SERINC1: variants seen among roughly 807,000 people sequenced by gnomAD.
SERINC1 encodes the protein tumor differentially expressed protein 2.
A neutral mutation model predicts 52.9 loss-of-function variants in SERINC1; 38 were observed. The ratio of observed to expected loss-of-function variants is 0.72; its 90% CI spans 0.55 to 0.94. SERINC1 has a LOEUF of 0.94. Among genes scored for constraint, SERINC1 ranks in the 40% least tolerant of loss-of-function variants. SERINC1 has a pLI of 0.00. For synonymous variants in SERINC1, 198 were observed against 183.1 expected, an observed-to-expected ratio of 1.08 and a Z score of -0.66; for missense variants, 471 against 533.9, an observed-to-expected ratio of 0.88 and a Z score of 1.16.
intron 5 of SERINC1, among the ~76,000 whole-genome samples, chr6:122,453,003 T>G (rs1774938271): frequency 6.6e-6 from 1 of 152,180 alleles, no homozygotes; most frequent in South Asian, 2.1e-4. Flanking sequence ...TATGACTTCT[T>G]TTGAAAAACA....
rs201396744 is a variant in SERINC1 at position 122,445,101 on chromosome 6, C to T, written c.1305G>A (p.Val435=). 1.2e-5 allele frequency: 19 copies of T among 1,614,098 alleles called. No individual in the cohort carries two copies. The highest frequency in any genetic ancestry group is 1.5e-5 in the Non-Finnish European group (18 of 1,179,954). Residue 435 remains valine (V), a synonymous_variant, in exon 10 of 10, where the codon GTG becomes GTA. Transcript: ENST00000339697. ...GTGCCACGAGTGTCCAAACATACAG[C>T]ACGATGCCAATCCAACTGGAAGAGA... The part of the protein sequence containing the change: ...VKISSSWIGI[V]LYVWTLVAPL...
At position 122,454,427 on chromosome 6, in the gene SERINC1, G is replaced by A. The variant is rs1774962352; in HGVS notation, c.372-197C>T. ...GTAATCATCATATTTAGATAACATAGTTTGGAGAGAGAGTGAAATTAACCA... is the reference window on the plus strand; with the variant it reads ...GTAATCATCATATTTAGATAACATAATTTGGAGAGAGAGTGAAATTAACCA... On this transcript the variant is annotated intron_variant, in intron 3 of 9. Transcript: ENST00000339697. The A allele has an allele frequency of 6.0e-6, 3 of 502,428 alleles. No homozygotes were observed. The African/African-American group carries it at 6.1e-5, about 10-fold the overall frequency. 31.1% of individuals were successfully genotyped at this position (502,428 alleles called of 1,614,324 possible).
At chr6:122,467,786 T>C (rs1275834944) in intron 1 of SERINC1, among the ~76,000 whole-genome samples, 1 of 152,258 alleles carries the variant, frequency 6.6e-6, no homozygotes, top group African/African-American at 2.4e-5. Context: ...AATGTTCATT[T>C]ACCAAAATTA....
intron 1 of SERINC1, among the ~76,000 whole-genome samples, chr6:122,461,658 T>TA (rs71541206): frequency 2.1e-3 from 279 of 134,718 alleles, no homozygotes; most frequent in Non-Finnish European, 2.9e-3. Flanking sequence ...TAAAGTATAA[T>TA]AAAAAAAAAA....
chr6:122,471,712 G>T lies in SERINC1; in HGVS notation c.26C>A (p.Ser9Tyr), dbSNP rs1775306994. Residue 9 changes from serine (S) to tyrosine (Y), a missense_variant, in exon 1 of 10, where the codon TCC (serine) becomes TAC (tyrosine). Ser to Tyr is a moderately radical substitution (Grantham distance 144). Transcript: ENST00000339697. Reference protein sequence around the residue: MGSVLGLCSMASWIPCLCG... With the variant: MGSVLGLCYMASWIPCLCG... ...AAAGCACCTTACCCAGCTCGCCATG[G>T]AGCACAGCCCCAGGACGCTCCCCAT... 6.2e-7 allele frequency: 1 copy of T among 1,614,170 alleles called. No homozygotes were observed. Among genetic ancestry groups the T allele is most frequent in the Non-Finnish European group, 8.5e-7 (1 of 1,180,016 alleles).
intron 5 of SERINC1, among the ~76,000 whole-genome samples, chr6:122,453,304 T>C (rs1774943554): frequency 6.6e-6 from 1 of 152,172 alleles, no homozygotes; most frequent in Admixed American, 6.5e-5. Flanking sequence ...ATTCCTTTAG[T>C]TGTTATTGAT....
chr6:122,448,030 G>A (rs1399360608), intron 7 of SERINC1, among the ~76,000 whole-genome samples: 1 of 150,458 alleles, frequency 6.6e-6, no homozygotes, highest in African/African-American at 2.4e-5. Flanking sequence ...AGAAAGACTC[G>A]AACCCGGGAG....
intron 1 of SERINC1, 38 bp from the exon 2 acceptor site, chr6:122,458,719 T>C (rs1247523548): frequency 7.3e-7 from 1 of 1,371,910 alleles, no homozygotes; most frequent in Non-Finnish European, 1.0e-6. Context: ...TTATTAAGAA[T>C]CAGTAAATCA....
intron 3 of SERINC1, among the ~76,000 whole-genome samples, chr6:122,456,023 C>G (rs1774986922): frequency 6.6e-6 from 1 of 152,050 alleles, no homozygotes; most frequent in Non-Finnish European, 1.5e-5. Flanking sequence ...GATATTAAAA[C>G]AGTCAAATAA....
chr6:122,448,675 A>T (rs1774850986), intron 7 of SERINC1, among the ~76,000 whole-genome samples: 1 of 152,162 alleles, frequency 6.6e-6, no homozygotes, highest in African/African-American at 2.4e-5. Flanking sequence ...AGGAATTTGA[A>T]GAGTTTTTCT....
At chr6:122,448,788 A>ATTTTTT (rs67382351) in intron 7 of SERINC1, among the ~76,000 whole-genome samples, 1 of 119,480 alleles carries the variant, frequency 8.4e-6, no homozygotes. Flanking sequence ...TGCTTTGCCT[A>ATTTTTT]TTTTTTTTTT....
intron 1 of SERINC1, among the ~76,000 whole-genome samples, chr6:122,461,229 G>A (rs1217881085): frequency 1.3e-5 from 2 of 151,894 alleles, no homozygotes; most frequent in African/African-American, 4.8e-5. Context: ...AAATAAACAT[G>A]AAAACCACAC....
chr6:122,457,804 C>CATATATATATAT (rs60098882), intron 2 of SERINC1, among the ~76,000 whole-genome samples: 5 of 147,706 alleles, frequency 3.4e-5, no homozygotes, highest in East Asian at 2.0e-4. Context: ...GTAAGACATA[C>CATATATATATAT]ATATATATAT....
intron 1 of SERINC1, among the ~76,000 whole-genome samples, chr6:122,469,196 C>CT (rs1366619276): frequency 2.6e-5 from 4 of 152,070 alleles, no homozygotes; most frequent in Non-Finnish European, 5.9e-5. Flanking sequence ...TAATTTGTCT[C>CT]TTTATAGTTC....
chr6:122,470,111 G>C (rs1173786976), intron 1 of SERINC1, among the ~76,000 whole-genome samples: 1 of 152,150 alleles, frequency 6.6e-6, no homozygotes, highest in Non-Finnish European at 1.5e-5. Context: ...AGCTACCTGG[G>C]AGGCTGAGGT....
At chr6:122,455,925 C>A (rs1270169397) in intron 3 of SERINC1, among the ~76,000 whole-genome samples, 1 of 151,888 alleles carries the variant, frequency 6.6e-6, no homozygotes, top group Non-Finnish European at 1.5e-5. Context: ...GAAAAGCAAC[C>A]CGTCACATAT....
At chr6:122,447,303 T>G in intron 7 of SERINC1, 38 bp from the exon 8 acceptor site, 1 of 1,509,272 alleles carries the variant, frequency 6.6e-7, no homozygotes, top group Non-Finnish European at 9.1e-7. Context: ...TAGAATATAT[T>G]AAAAAGATGT....
chr6:122,446,802 T>C lies in SERINC1; in HGVS notation c.1198A>G (p.Ile400Val). The change falls in exon 9 of 10, where the codon ATC (isoleucine) becomes GTC (valine). Residue 400 changes from isoleucine to valine, a missense_variant. By Grantham distance (29) the Ile-to-Val change is conservative (BLOSUM62 3). Transcript: ENST00000339697. ...TACCAGTTGGTAAGGGTCATCATGA[T>C]ATAAAGTGAAGCCAGGAAAAGCATG... ...HFMLFLASLY[I>V]MMTLTNWYRY... 6.2e-7 allele frequency: 1 copy of C among 1,613,388 alleles called. No individual in the cohort carries two copies. The highest frequency in any genetic ancestry group is 1.1e-5 in the South Asian group (1 of 91,068).
At chr6:122,458,954 T>G (rs932170693) in intron 1 of SERINC1, among the ~76,000 whole-genome samples, 10 of 152,046 alleles carry the variant, frequency 6.6e-5, no homozygotes, top group African/African-American at 2.4e-4. Context: ...GAAAAAATCA[T>G]CAGCAGTAAC....
Sources: gnomAD v4.1 joint callset for allele counts (sites outside exome capture counted in the v4.1 genomes callset) on GRCh38, gnomAD v4.1.1 for gene constraint, MANE v1.5 for transcripts, NCBI Gene and HGNC (gene_info 2026-07-23, HGNC 2026-07-21) for gene names.